Variants in SLC15A5 observed in about 807,000 individuals in gnomAD.
SLC15A5 encodes the protein Peptide/histidine transporter ENSP00000340402.
In SLC15A5, 58 loss-of-function variants were observed where a neutral mutation model predicts 56.1. The ratio of observed to expected loss-of-function variants is 1.03; its 90% CI spans 0.84 to 1.29. SLC15A5 has a LOEUF of 1.29. SLC15A5 is among the 50% of genes most tolerant of loss of function. The pLI is 0.00. For synonymous variants in SLC15A5, 264 were observed against 250.5 expected (o/e 1.05, Z -0.51); for missense variants, 681 against 672.1 (o/e 1.01, Z -0.15).
At chr12:16,241,405 A>G (rs982862490) in intron 4 of SLC15A5, among the ~76,000 whole-genome samples, 1 of 152,226 alleles carries the variant, frequency 6.6e-6, no homozygotes, top group Non-Finnish European at 1.5e-5. Flanking sequence ...GTGTCAGTAC[A>G]GCTGTTACCA....
Position 16,224,541 on chromosome 12 carries a change from T to C in SLC15A5, c.1224A>G (p.Arg408=). 1 of 1,537,144 alleles carries C rather than the reference T, an allele frequency of 6.5e-7. No individual in the cohort carries two copies. Among genetic ancestry groups the C allele is most frequent in the South Asian group, 1.2e-5 (1 of 84,046 alleles). The change falls in exon 6 of 9, where the codon CGA becomes CGG. Residue 408 remains arginine, a synonymous_variant. Transcript: ENST00000344941. ...VMIAGFFEIH[R]KHFPAVEQPL... ...GCTGCTCCACTGCAGGGAAATGTTT[T>C]CGGTGTATTTCAAAGAAGCCAGCTA...
In SLC15A5 at chr12:16,277,610, T is replaced by G. The variant is rs759108115; in HGVS notation, c.76A>C (p.Arg26=). 85 of 1,536,314 alleles carry G rather than the reference T, an allele frequency of 5.5e-5. No homozygotes were observed. Among genetic ancestry groups the G allele is most frequent in the Non-Finnish European group, 7.1e-5 (81 of 1,146,362 alleles). ...GAGGAACACAAATCGCCAATATGTC[T>G]TACAGTTTTCTCCTTCTCAATGCTG... ...YHSIEKEKTV[R]HIGDLCSSHS... The change falls in exon 1 of 9, where the codon AGA becomes CGA. Residue 26 remains arginine (R), a synonymous_variant. Transcript: ENST00000344941.
intron 7 of SLC15A5, among the ~76,000 whole-genome samples, chr12:16,208,961 T>C (rs1028043441): frequency 4.6e-5 from 7 of 151,986 alleles, no homozygotes; most frequent in African/African-American, 1.7e-4. Context: ...GCCATCATGC[T>C]ATCTCTTAAA....
chr12:16,268,748 G>C (rs1158201596), intron 2 of SLC15A5, among the ~76,000 whole-genome samples: 1 of 151,920 alleles, frequency 6.6e-6, no homozygotes, highest in African/African-American at 2.4e-5. Flanking sequence ...CTTTTCAAAG[G>C]CATCACTAGA....
rs761205927 is a variant in SLC15A5, at chr12:16,257,759, A to G, written c.696T>C (p.Leu232=). The part of the protein sequence containing the change: ...LVLLIPFMSM[L]MAVITLHMIY... Reference sequence around the variant, plus strand: ...TCATATGAAGAGTTATCACAGCCATAAGCATAGACATAAAAGGAATAAGTA... The same window carrying G: ...TCATATGAAGAGTTATCACAGCCATGAGCATAGACATAAAAGGAATAAGTA... The change falls in exon 3 of 9, where the codon CTT becomes CTC. Residue 232 remains leucine (L), a synonymous_variant. Coordinates refer to ENST00000344941, the MANE Select transcript of SLC15A5 (RefSeq NM_001170798.1). 3.9e-6 allele frequency: 6 copies of G among 1,530,048 alleles called. No individual in the cohort carries two copies. Among genetic ancestry groups the G allele is most frequent in the Non-Finnish European group, 5.2e-6 (6 of 1,144,496 alleles). 94.8% of individuals were successfully genotyped at this position (1,530,048 alleles called of 1,614,324 possible).
chr12:16,229,401 A>G (rs1453520610), intron 5 of SLC15A5, among the ~76,000 whole-genome samples: 1 of 152,176 alleles, frequency 6.6e-6, no homozygotes, highest in African/African-American at 2.4e-5. Context: ...GTCTGAAACC[A>G]TCCTGTCTAA....
At chr12:16,264,633 C>T (rs980594157) in intron 2 of SLC15A5, among the ~76,000 whole-genome samples, 2 of 152,072 alleles carry the variant, frequency 1.3e-5, no homozygotes, top group African/African-American at 4.8e-5. Context: ...CTTGTAGCTC[C>T]CATATTTTCC....
chr12:16,193,790 A>C (rs1055781617), intron 8 of SLC15A5, among the ~76,000 whole-genome samples: 754 of 20,718 alleles, frequency 0.036, 77 homozygotes, highest in South Asian at 0.086. Context: ...GGAGAGAGAG[A>C]GAGAGAGAGA....
chr12:16,275,329 G>C (rs551865753), intron 1 of SLC15A5, among the ~76,000 whole-genome samples: 1 of 152,130 alleles, frequency 6.6e-6, no homozygotes, highest in South Asian at 2.1e-4. Context: ...GCAAGGTTGG[G>C]GTTGCGTGTT....
intron 7 of SLC15A5, among the ~76,000 whole-genome samples, chr12:16,212,008 C>A (rs1482679888): frequency 2.0e-5 from 3 of 152,170 alleles, no homozygotes; most frequent in South Asian, 2.1e-4. Flanking sequence ...CACTCTCACA[C>A]ACTCACATGC....
chr12:16,221,645 T>TCCA (rs1231933835), intron 6 of SLC15A5, among the ~76,000 whole-genome samples: 1 of 152,134 alleles, frequency 6.6e-6, no homozygotes, highest in Non-Finnish European at 1.5e-5. Context: ...GGAATTTCAA[T>TCCA]CAGGGGAATG....
intron 6 of SLC15A5, among the ~76,000 whole-genome samples, chr12:16,221,939 C>T (rs964476174): frequency 1.3e-5 from 2 of 152,064 alleles, no homozygotes; most frequent in African/African-American, 4.8e-5. Flanking sequence ...CTTATGCTTC[C>T]AGGTCTCCCA....
At chr12:16,218,986 C>T (rs374143259) in intron 6 of SLC15A5, among the ~76,000 whole-genome samples, 44 of 152,190 alleles carry the variant, frequency 2.9e-4, no homozygotes, top group African/African-American at 9.6e-4. Flanking sequence ...GTTTTACTTT[C>T]GGTGTGTCCT....
At chr12:16,216,123 A>G (rs988237534) in intron 7 of SLC15A5, among the ~76,000 whole-genome samples, 2 of 152,220 alleles carry the variant, frequency 1.3e-5, no homozygotes, top group African/African-American at 2.4e-5. Context: ...AGTATTTTTG[A>G]AAGTAGAGAA....
At chr12:16,257,939 A>G (rs1864594136) in intron 2 of SLC15A5, 69 bp from the exon 3 acceptor site, 2 of 1,259,758 alleles carry the variant, frequency 1.6e-6, no homozygotes, top group South Asian at 2.5e-5. Context: ...GCTAATTTTA[A>G]TGCTTCTAAT....
In SLC15A5 at chr12:16,257,750, C is replaced by T. The variant is rs548154847; in HGVS notation, c.705G>A (p.Val235=). ...TGTAGTATATCATATGAAGAGTTATCACAGCCATAAGCATAGACATAAAAG... is the reference window on the plus strand; with the variant it reads ...TGTAGTATATCATATGAAGAGTTATTACAGCCATAAGCATAGACATAAAAG... The part of the protein sequence containing the change: ...LIPFMSMLMA[V]ITLHMIYYNL... Residue 235 remains valine, a synonymous_variant, in exon 3 of 9, where the codon GTG becomes GTA. Transcript: ENST00000344941. 3 of 1,526,546 alleles carry T rather than the reference C, an allele frequency of 2.0e-6. No individual in the cohort carries two copies. Among genetic ancestry groups the T allele is most frequent in the East Asian group, 5.0e-5 (2 of 40,388 alleles). 94.6% of individuals were successfully genotyped at this position (1,526,546 alleles called of 1,614,324 possible).
At chr12:16,239,650 G>A (rs1338151499) in intron 5 of SLC15A5, 31 bp downstream of exon 5, 7 of 1,523,896 alleles carry the variant, frequency 4.6e-6, no homozygotes, top group East Asian at 2.5e-5. Flanking sequence ...AGTTTCAAAC[G>A]ATTCGCATGA....
At chr12:16,266,118 G>T (rs1484264604) in intron 2 of SLC15A5, among the ~76,000 whole-genome samples, 1 of 152,162 alleles carries the variant, frequency 6.6e-6, no homozygotes, top group Non-Finnish European at 1.5e-5. Context: ...TTTATCATAA[G>T]GTAGGTGAGG....
chr12:16,244,301 G>A (rs1395606953), intron 4 of SLC15A5, among the ~76,000 whole-genome samples: 4 of 152,220 alleles, frequency 2.6e-5, no homozygotes, highest in South Asian at 2.1e-4. Context: ...CTGCTCTTAC[G>A]CCTTACGACT....
Sources: allele counts gnomAD v4.1 joint callset (sites outside exome capture counted in the v4.1 genomes callset), GRCh38; gene constraint gnomAD v4.1.1; transcripts MANE v1.5; gene names NCBI Gene and HGNC (gene_info 2026-07-23, HGNC 2026-07-21).